Variants in CCL26 observed in about 807,000 individuals in gnomAD.
CCL26 encodes C-C motif chemokine ligand 26, also known as C-C motif chemokine 26.
CCL26 carries 10 observed loss-of-function variants against 10.7 expected under a neutral mutation model. The observed-to-expected ratio is 0.93, with a 90% CI of 0.57 to 1.58. The LOEUF (loss-of-function observed/expected upper bound fraction) is 1.58. Among genes scored for constraint, CCL26 ranks in the 40% most tolerant of loss-of-function variants. CCL26 has a pLI of 0.00. For synonymous variants in CCL26, 43 were observed against 41.4 expected, an observed-to-expected ratio of 1.04 and a Z score of -0.15; for missense variants, 116 against 111.0, an observed-to-expected ratio of 1.05 and a Z score of -0.20.
At position 75,772,099 on chromosome 7, in the gene CCL26, C is replaced by T. The variant is rs527819360; in HGVS notation, c.73+5G>A. ...CCCCAGGAGGGGAATGGGCCAGCTA[C>T]GTACGTGTGGCAGTTCCAAGGTGGA... On this transcript the variant is annotated splice_donor_5th_base_variant and intron_variant, in intron 1 of 2. Coordinates refer to ENST00000005180, the MANE Select transcript of CCL26 (RefSeq NM_001371938.1). 120 of 1,591,082 alleles carry T rather than the reference C, an allele frequency of 7.5e-5. No homozygotes were observed. Among genetic ancestry groups the T allele is most frequent in the Non-Finnish European group, 9.8e-5 (115 of 1,168,478 alleles).
chr7:75,787,352 C>T (rs1803217517), intron 1 of CCL26, among the ~76,000 whole-genome samples: 1 of 152,042 alleles, frequency 6.6e-6, no homozygotes. Flanking sequence ...TTTTTAAAGA[C>T]ACACCTCACC....
chr7:75,771,758 G>A (rs1802825607), intron 2 of CCL26, 131 bp downstream of exon 2: 5 of 662,700 alleles, frequency 7.5e-6, no homozygotes, highest in South Asian at 5.3e-5. Flanking sequence ...GAAGCTCAGA[G>A]TCACACTTGT....
At chr7:75,772,251 G>T, upstream of CCL26, 1 of 1,083,832 alleles carries the variant, frequency 9.2e-7, no homozygotes, top group Non-Finnish European at 1.4e-6. Context: ...AGACTGAGAC[G>T]GCCCTGAAAA....
upstream of CCL26, among the ~76,000 whole-genome samples, chr7:75,790,178 CCTTT>C (rs782115911): frequency 6.3e-4 from 28 of 44,340 alleles, no homozygotes; most frequent in Middle Eastern, 0.023. Context: ...TTCCTTCCTT[CCTTT>C]CTTTCTTTCT....
intron 1 of CCL26, among the ~76,000 whole-genome samples, chr7:75,786,827 C>T (rs1459956889): frequency 6.6e-6 from 1 of 152,174 alleles, no homozygotes; most frequent in Non-Finnish European, 1.5e-5. Flanking sequence ...CTCACAGGCC[C>T]ATTCTATTCT....
At chr7:75,783,291 A>G (rs201811629) in intron 1 of CCL26, among the ~76,000 whole-genome samples, 1 of 152,168 alleles carries the variant, frequency 6.6e-6, no homozygotes, top group African/African-American at 2.4e-5. Context: ...CCAGATGAAC[A>G]GGAAAGAGTT....
At chr7:75,789,411 T>C (rs1585017719) in intron 1 of CCL26, among the ~76,000 whole-genome samples, 1 of 151,226 alleles carries the variant, frequency 6.6e-6, no homozygotes, top group East Asian at 1.9e-4. Flanking sequence ...AATATTTCTC[T>C]CTCTCTCTCT....
chr7:75,775,597 AC>A (rs1224103043), upstream of CCL26, among the ~76,000 whole-genome samples: 4 of 151,530 alleles, frequency 2.6e-5, no homozygotes, highest in Non-Finnish European at 4.4e-5. Flanking sequence ...TGGGTCAGGT[AC>A]CCCCCAGTTC....
intron 1 of CCL26, among the ~76,000 whole-genome samples, chr7:75,787,670 A>AAAAAAAAAAAAC (rs1803229077): frequency 7.7e-6 from 1 of 129,130 alleles, no homozygotes; most frequent in Non-Finnish European, 1.6e-5. Context: ...AAAAAAAAAA[A>AAAAAAAAAAAAC]AAAAGACACA....
upstream of CCL26, among the ~76,000 whole-genome samples, chr7:75,776,994 G>A (rs1585011563): frequency 6.6e-6 from 1 of 152,166 alleles, no homozygotes; most frequent in South Asian, 2.1e-4. Flanking sequence ...ACTTTGGGGG[G>A]CCGAAGTGGG....
At chr7:75,788,757 A>C (rs367849901) in intron 1 of CCL26, among the ~76,000 whole-genome samples, 146 of 149,378 alleles carry the variant, frequency 9.8e-4, no homozygotes, top group African/African-American at 3.4e-3. Flanking sequence ...AAAAGATGGG[A>C]GTCAGAAGAG....
At chr7:75,787,074 A>T (rs1476835026) in intron 1 of CCL26, among the ~76,000 whole-genome samples, 1 of 152,162 alleles carries the variant, frequency 6.6e-6, no homozygotes, top group African/African-American at 2.4e-5. Context: ...GAGTCAGGAA[A>T]CTAAAATACC....
intron 1 of CCL26, among the ~76,000 whole-genome samples, chr7:75,784,822 T>C (rs782433849): frequency 6.6e-6 from 1 of 152,006 alleles, no homozygotes; most frequent in Non-Finnish European, 1.5e-5. Flanking sequence ...ACCACAAGTA[T>C]AGGACACCTC....
intron 1 of CCL26, among the ~76,000 whole-genome samples, chr7:75,789,073 C>A (rs1803265410): frequency 6.6e-6 from 1 of 150,830 alleles, no homozygotes; most frequent in South Asian, 2.1e-4. Flanking sequence ...AGGTGCGCAC[C>A]ACCGTGCCCA....
intron 1 of CCL26, among the ~76,000 whole-genome samples, chr7:75,783,013 C>T (rs963829614): frequency 2.6e-5 from 4 of 152,176 alleles, no homozygotes; most frequent in African/African-American, 7.2e-5. Context: ...ATCACCTCCC[C>T]TCCTCACACC....
At chr7:75,778,015 C>T (rs1802979918) in intron 1 of CCL26, among the ~76,000 whole-genome samples, 1 of 152,040 alleles carries the variant, frequency 6.6e-6, no homozygotes, top group Non-Finnish European at 1.5e-5. Flanking sequence ...GCACCAACCC[C>T]AGCCGACATA....
Position 75,769,682 on chromosome 7 carries a change from A to C in CCL26, c.*11T>G. 2 of 1,588,640 alleles carry C rather than the reference A, an allele frequency of 1.3e-6. No homozygotes were observed. Among genetic ancestry groups the C allele is most frequent in the Non-Finnish European group, 1.7e-6 (2 of 1,156,834 alleles). ...GGGGTCCAAGCGTCCTCGGATGAAA[A>C]TTCAGCTGAGTCACAATTGTTTCGG... On this transcript the variant is annotated 3_prime_UTR_variant, in exon 3 of 3. Transcript: ENST00000005180.
chr7:75,775,749 A>G (rs1012293345), upstream of CCL26, among the ~76,000 whole-genome samples: 2 of 152,214 alleles, frequency 1.3e-5, no homozygotes, highest in African/African-American at 4.8e-5. Context: ...TGACTGCTGA[A>G]GGGATACGGG....
chr7:75,778,158 C>T (rs1802982475), intron 1 of CCL26, among the ~76,000 whole-genome samples: 1 of 152,184 alleles, frequency 6.6e-6, no homozygotes, highest in Admixed American at 6.5e-5. Context: ...TTTACATTCC[C>T]ACCAACAGAG....
Sources: gnomAD v4.1 joint callset for allele counts (sites outside exome capture counted in the v4.1 genomes callset) on GRCh38, gnomAD v4.1.1 for gene constraint, MANE v1.5 for transcripts, NCBI Gene and HGNC (gene_info 2026-07-23, HGNC 2026-07-21) for gene names.